Variants in CLXN observed in about 807,000 individuals in gnomAD.
CLXN encodes the protein calaxin, also known as EF-hand calcium binding domain 1.
At chr8:48,726,048 T>A in the CLXN span, among the ~76,000 whole-genome samples, 5 of 93,126 alleles carry the variant, frequency 5.4e-5, no homozygotes, top group African/African-American at 2.1e-4. Context: ...CCCACCCACC[T>A]ACCTCGCCCA....
At chr8:48,731,504 C>T in the CLXN span, 2 of 1,588,728 alleles carry the variant, frequency 1.3e-6, no homozygotes, top group Non-Finnish European at 1.7e-6. Flanking sequence ...AATTTATTAA[C>T]TGAAATAATA....
the CLXN span, among the ~76,000 whole-genome samples, chr8:48,725,852 C>A: frequency 1.7e-4 from 25 of 149,758 alleles, no homozygotes; most frequent in East Asian, 3.9e-3. Flanking sequence ...TAATAAAATT[C>A]TAATCGGAAG....
the CLXN span, chr8:48,724,812 AG>A: frequency 1.7e-5 from 28 of 1,609,416 alleles, no homozygotes; most frequent in East Asian, 6.0e-4. Flanking sequence ...CTGTAAAAAA[AG>A]GTACTCAATT....
the CLXN span, chr8:48,715,607 A>ACCCACAGTTTTTATGACTGATGGTG: frequency 6.6e-6 from 1 of 152,152 alleles, no homozygotes. Context: ...CATCATGGAC[A>ACCCACAGTTTTTATGACTGATGGTG]CCCACAGTTT....
the CLXN span, chr8:48,734,986 C>G: frequency 1.5e-6 from 2 of 1,313,656 alleles, no homozygotes; most frequent in Non-Finnish European, 1.1e-6. Context: ...AGGTAGCCCA[C>G]AGAGTCCCAG....
the CLXN span, among the ~76,000 whole-genome samples, chr8:48,721,164 C>T: frequency 1.2e-4 from 19 of 152,028 alleles, no homozygotes; most frequent in African/African-American, 4.6e-4. Context: ...CGTTTCTACC[C>T]ACAAATGAGC....
chr8:48,716,665 CAG>C, the CLXN span: 1 of 151,680 alleles, frequency 6.6e-6, no homozygotes. Context: ...ATGAATGAAA[CAG>C]AAAATGCAAC....
the CLXN span, among the ~76,000 whole-genome samples, chr8:48,722,776 A>ACG: frequency 6.6e-5 from 10 of 151,734 alleles, no homozygotes; most frequent in Non-Finnish European, 1.2e-4. Context: ...ACACACACAC[A>ACG]CACACAGACA....
chr8:48,723,564 C>T, the CLXN span: 5 of 152,232 alleles, frequency 3.3e-5, no homozygotes, highest in East Asian at 1.9e-4. Flanking sequence ...AGAACAGATA[C>T]GGTGTAACAC....
the CLXN span, among the ~76,000 whole-genome samples, chr8:48,721,475 A>G: frequency 6.6e-6 from 1 of 152,238 alleles, no homozygotes; most frequent in Non-Finnish European, 1.5e-5. Context: ...TTCATATGGA[A>G]CCAGAAAAGA....
At chr8:48,729,161 A>C in the CLXN span, 1 of 1,587,470 alleles carries the variant, frequency 6.3e-7, no homozygotes. Flanking sequence ...GGGAATGAGA[A>C]ACATGTTAGG....
the CLXN span, chr8:48,729,249 G>A: frequency 4.2e-6 from 4 of 954,096 alleles, no homozygotes; most frequent in African/African-American, 6.6e-5. Context: ...GCTAGGCTGG[G>A]GATGGTGGCT....
the CLXN span, chr8:48,724,537 A>C: frequency 4.8e-5 from 20 of 420,290 alleles, no homozygotes; most frequent in African/African-American, 4.1e-4. Context: ...TGTCTTGCCA[A>C]ACCCATCATC....
At chr8:48,732,170 T>G in the CLXN span, among the ~76,000 whole-genome samples, 2 of 152,198 alleles carry the variant, frequency 1.3e-5, no homozygotes, top group Non-Finnish European at 2.9e-5. Context: ...GGACCATGGT[T>G]ATAAATACCG....
At chr8:48,733,707 G>T in the CLXN span, among the ~76,000 whole-genome samples, 1 of 152,022 alleles carries the variant, frequency 6.6e-6, no homozygotes, top group Non-Finnish European at 1.5e-5. Flanking sequence ...AAAATCAAGA[G>T]CAGACTTTTT....
chr8:48,721,064 ACAACAACAG>A, the CLXN span, among the ~76,000 whole-genome samples: 1 of 152,196 alleles, frequency 6.6e-6, no homozygotes, highest in South Asian at 2.1e-4. Flanking sequence ...AACAATGACA[ACAACAACAG>A]CAACAACAAC....
the CLXN span, among the ~76,000 whole-genome samples, chr8:48,733,780 T>A: frequency 6.6e-6 from 1 of 152,170 alleles, no homozygotes; most frequent in East Asian, 1.9e-4. Context: ...CACAGAATGA[T>A]TGTCTGCAAT....
chr8:48,730,695 G>T, the CLXN span: 264 of 1,045,292 alleles, frequency 2.5e-4, no homozygotes, highest in Non-Finnish European at 3.7e-4. Flanking sequence ...ATAACTCTCA[G>T]TAAAGTATCT....
At chr8:48,717,047 C>A in the CLXN span, among the ~76,000 whole-genome samples, 3 of 152,280 alleles carry the variant, frequency 2.0e-5, no homozygotes, top group African/African-American at 7.2e-5. Context: ...TGCCTGTAAT[C>A]CCAGCTACTT....
Sources: gnomAD v4.1 joint callset for allele counts (sites outside exome capture counted in the v4.1 genomes callset) on GRCh38, gnomAD v4.1.1 for gene constraint, MANE v1.5 for transcripts, NCBI Gene and HGNC (gene_info 2026-07-23, HGNC 2026-07-21) for gene names.